The following DPYD variants were observed in gnomAD, a reference collection of about 807,000 sequenced individuals.
The protein encoded by DPYD is dihydropyrimidine dehydrogenase, also known as dihydropyrimidine dehydrogenase [NADP(+)].
In DPYD, 109 loss-of-function variants were observed where a neutral mutation model predicts 116.2. The ratio of observed to expected loss-of-function variants is 0.94; its 90% confidence interval spans 0.80 to 1.10. DPYD has a LOEUF of 1.10. Among genes scored for constraint, DPYD ranks in the 50% least tolerant of loss-of-function variants. The pLI is 0.00. For missense variants in DPYD, 1,302 were observed against 1,254.5 expected (o/e 1.04, Z -0.57); for synonymous variants, 440 against 432.0 (o/e 1.02, Z -0.23).
intron 13 of DPYD, among the ~76,000 whole-genome samples, chr1:97,487,450 G>C (rs930412162): frequency 2.6e-5 from 4 of 152,052 alleles, no homozygotes; most frequent in Non-Finnish European, 4.4e-5. Flanking sequence ...AAGGCGGGCG[G>C]ATCACGAGGT....
At chr1:97,333,118 C>G (rs937221182) in intron 16 of DPYD, among the ~76,000 whole-genome samples, 2 of 149,126 alleles carry the variant, frequency 1.3e-5, no homozygotes, top group East Asian at 2.0e-4. Flanking sequence ...AGTGCAGTGC[C>G]ATGATCTGCT....
At chr1:97,465,631 A>G (rs926494733) in intron 13 of DPYD, among the ~76,000 whole-genome samples, 2 of 152,162 alleles carry the variant, frequency 1.3e-5, no homozygotes, top group Admixed American at 6.6e-5. Context: ...CATCCACGTA[A>G]GTAAGACGTG....
At chr1:97,791,972 G>A (rs1055825312) in intron 3 of DPYD, among the ~76,000 whole-genome samples, 1 of 152,146 alleles carries the variant, frequency 6.6e-6, no homozygotes, top group African/African-American at 2.4e-5. Flanking sequence ...AATATTTTGA[G>A]TTTGAGAAAC....
At chr1:97,262,510 C>A (rs74104328) in intron 18 of DPYD, among the ~76,000 whole-genome samples, 1,551 of 152,156 alleles carry the variant, frequency 0.01, 35 homozygotes, top group African/African-American at 0.035. Flanking sequence ...ACATTTTCCA[C>A]TAAAACTTGA....
At chr1:97,356,525 G>A (rs557838215) in intron 16 of DPYD, among the ~76,000 whole-genome samples, 14 of 152,242 alleles carry the variant, frequency 9.2e-5, no homozygotes, top group African/African-American at 2.9e-4. Flanking sequence ...TGCAGCCTCC[G>A]CTGGTGACAC....
chr1:97,434,147 T>C (rs1471689048), intron 14 of DPYD, among the ~76,000 whole-genome samples: 1 of 152,118 alleles, frequency 6.6e-6, no homozygotes, highest in African/African-American at 2.4e-5. Flanking sequence ...TTAAATTATT[T>C]ATTATGGAAA....
At chr1:97,872,733 T>A (rs1240782109) in intron 2 of DPYD, among the ~76,000 whole-genome samples, 1 of 151,898 alleles carries the variant, frequency 6.6e-6, no homozygotes, top group Non-Finnish European at 1.5e-5. Flanking sequence ...CACTTCTCAA[T>A]GAAATAACCA....
At chr1:97,913,866 G>A (rs1291783782) in intron 1 of DPYD, among the ~76,000 whole-genome samples, 1 of 151,952 alleles carries the variant, frequency 6.6e-6, no homozygotes, top group Non-Finnish European at 1.5e-5. Context: ...AGGAAGTGCA[G>A]TCAGGGCTCC....
chr1:97,464,724 G>A (rs138870478), intron 13 of DPYD, among the ~76,000 whole-genome samples: 2,100 of 152,318 alleles, frequency 0.014, 31 homozygotes, highest in Non-Finnish European at 0.018. Context: ...AGATTTCAGA[G>A]GATGTATGGA....
chr1:97,230,220 C>T (rs527409118), intron 19 of DPYD, among the ~76,000 whole-genome samples: 60 of 152,246 alleles, frequency 3.9e-4, no homozygotes, highest in Non-Finnish European at 7.6e-4. Context: ...ATAGCAAAGA[C>T]ATGGAATCAA....
intron 2 of DPYD, among the ~76,000 whole-genome samples, chr1:97,861,004 C>T (rs1174678601): frequency 6.6e-6 from 1 of 151,762 alleles, no homozygotes; most frequent in Non-Finnish European, 1.5e-5. Flanking sequence ...TTATAGAAAA[C>T]TAAAATGCAA....
chr1:97,661,713 A>C (rs985871409), intron 8 of DPYD, among the ~76,000 whole-genome samples: 5 of 152,140 alleles, frequency 3.3e-5, no homozygotes, highest in African/African-American at 1.2e-4. Flanking sequence ...ATGAATTTAC[A>C]TATCACTTTT....
At chr1:97,454,547 TA>T (rs1251599247) in intron 13 of DPYD, among the ~76,000 whole-genome samples, 1 of 151,900 alleles carries the variant, frequency 6.6e-6, no homozygotes, top group Non-Finnish European at 1.5e-5. Flanking sequence ...GATATTCAGA[TA>T]TTTTAAAAAC....
At position 97,788,769 on chromosome 1, in the gene DPYD, T is replaced by C. The variant is rs756866216; in HGVS notation, c.233+39345A>G. Among the ~76,000 whole-genome samples the C allele has an allele frequency of 9.2e-5, 14 of 152,194 alleles. 1 individual carries two copies. The highest frequency in any genetic ancestry group is 1.9e-4 in the Non-Finnish European group (13 of 68,030). On this transcript the variant is annotated intron_variant, in intron 3 of 22. Transcript: ENST00000370192. ...AATTCTCATCCAGGATTGAATAATA[T>C]TGCAAAGGCAAAAATACAAGCTGTA...
intron 12 of DPYD, among the ~76,000 whole-genome samples, chr1:97,535,647 A>G (rs2102037522): frequency 6.6e-6 from 1 of 152,322 alleles, no homozygotes; most frequent in East Asian, 1.9e-4. Context: ...CTGCCATTTA[A>G]TAAAAGTTTG....
chr1:97,761,803 C>T (rs764060453), intron 3 of DPYD, among the ~76,000 whole-genome samples: 4 of 152,110 alleles, frequency 2.6e-5, no homozygotes, highest in Non-Finnish European at 5.9e-5. Flanking sequence ...TATATATACA[C>T]ACCATGGAAT....
chr1:97,114,973 T>C (rs1651863087), intron 20 of DPYD, among the ~76,000 whole-genome samples: 1 of 152,210 alleles, frequency 6.6e-6, no homozygotes, highest in African/African-American at 2.4e-5. Flanking sequence ...TAGGATTTAC[T>C]GCTTTTTGTC....
chr1:97,344,917 G>A (rs1212253039), intron 16 of DPYD, among the ~76,000 whole-genome samples: 1 of 151,902 alleles, frequency 6.6e-6, no homozygotes, highest in Non-Finnish European at 1.5e-5. Flanking sequence ...CTTTCCCAAA[G>A]GGTGGTACTG....
At chr1:97,323,042 A>G (rs1371447424) in intron 16 of DPYD, 3 of 151,436 alleles carry the variant, frequency 2.0e-5, no homozygotes, top group African/African-American at 4.8e-5. Context: ...TGGTTCTCCA[A>G]TTCAATTTTT....
Sources: gnomAD v4.1 joint callset for allele counts (sites outside exome capture counted in the v4.1 genomes callset) on GRCh38, gnomAD v4.1.1 for gene constraint, MANE v1.5 for transcripts, NCBI Gene and HGNC (gene_info 2026-07-23, HGNC 2026-07-21) for gene names.